RIN2: variants seen among roughly 807,000 people sequenced by gnomAD.
RIN2 encodes the protein Ras and Rab interactor 2.
Under a neutral mutation model 78.0 loss-of-function variants are expected in RIN2, and 36 were observed. The ratio of observed to expected loss-of-function variants is 0.46; its 90% CI spans 0.35 to 0.61. RIN2 has a LOEUF of 0.61. RIN2 is among the 20% of genes least tolerant of loss of function. The pLI, the probability that RIN2 is intolerant of heterozygous loss-of-function variation, is 0.00. For missense variants in RIN2, 1,087 were observed against 1,159.7 expected, an observed-to-expected ratio of 0.94 and a Z score of 0.91; for synonymous variants, 466 against 466.8, an observed-to-expected ratio of 1.00 and a Z score of 0.02.
intron 1 of RIN2, among the ~76,000 whole-genome samples, chr20:19,784,125 G>A (rs570621912): frequency 1.3e-5 from 2 of 152,340 alleles, no homozygotes; most frequent in Non-Finnish European, 2.9e-5. Context: ...AAGGCAACTG[G>A]AAAATCACAT....
intron 9 of RIN2, among the ~76,000 whole-genome samples, chr20:19,976,385 A>G (rs992140582): frequency 1.3e-5 from 2 of 152,172 alleles, no homozygotes; most frequent in African/African-American, 4.8e-5. Flanking sequence ...CTCATCCCAT[A>G]CACTTCTGTA....
intron 2 of RIN2, among the ~76,000 whole-genome samples, chr20:19,861,248 C>T (rs1384111204): frequency 6.6e-6 from 1 of 152,178 alleles, no homozygotes; most frequent in African/African-American, 2.4e-5. Flanking sequence ...GTCCCACCTC[C>T]TTATAGGTTT....
At chr20:19,985,375 G>A (rs1468085511) in intron 9 of RIN2, among the ~76,000 whole-genome samples, 2 of 152,212 alleles carry the variant, frequency 1.3e-5, no homozygotes, top group Non-Finnish European at 2.9e-5. Context: ...GTGACATTTA[G>A]TCAAGGAAAA....
chr20:19,804,983 C>T (rs189625647), intron 2 of RIN2, among the ~76,000 whole-genome samples: 2 of 152,086 alleles, frequency 1.3e-5, no homozygotes, highest in Non-Finnish European at 2.9e-5. Context: ...TCTTTGTGTC[C>T]AGTAATTTAT....
At chr20:19,759,423 A>C (rs1297029587) in intron 1 of RIN2, among the ~76,000 whole-genome samples, 1 of 152,216 alleles carries the variant, frequency 6.6e-6, no homozygotes, top group Non-Finnish European at 1.5e-5. Flanking sequence ...CAAAGGGCTT[A>C]CTGGGAAAAA....
rs6081798 is a variant in RIN2 at position 19,886,977 on chromosome 20, G to A, written c.-36-2589G>A. Among the ~76,000 whole-genome samples, 3,057 of 152,034 alleles carry A rather than the reference G, an allele frequency of 0.02. 53 individuals carry two copies. The highest frequency in any genetic ancestry group is 0.031 in the Middle Eastern group (9 of 294). ...GGGAAGAAAACTATAGCTAACTATA[G>A]CTACTACAGAAAGATCTTAAACCAG... On this transcript the variant is annotated intron_variant, in intron 2 of 12. Transcript: ENST00000255006.
At chr20:19,855,970 A>T (rs1014272373) in intron 2 of RIN2, among the ~76,000 whole-genome samples, 3 of 152,150 alleles carry the variant, frequency 2.0e-5, no homozygotes, top group Non-Finnish European at 4.4e-5. Flanking sequence ...GCTACTCGGG[A>T]GGCTGAGGCA....
rs973069372 is a variant in RIN2 at position 19,975,255 on chromosome 20, G to A, written c.1230G>A (p.Arg410=). 2 of 1,582,712 alleles carry A rather than the reference G, an allele frequency of 1.3e-6. No homozygotes were observed. The highest frequency in any genetic ancestry group is 2.7e-5 in the African/African-American group (2 of 74,376). Residue 410 remains arginine (R), a synonymous_variant, in exon 9 of 13, where the codon AGG becomes AGA. Coordinates refer to ENST00000255006, the MANE Select transcript of RIN2 (RefSeq NM_018993.4). The surrounding 1 kb of genome is among the most constrained non-coding windows in gnomAD (Gnocchi z 4.9). ...AGGCCGCCCCGGGGGATTGCACAAGGGCCCCGCCGCCCAGCTCTGAATCAC... is the reference window on the plus strand; with the variant it reads ...AGGCCGCCCCGGGGGATTGCACAAGAGCCCCGCCGCCCAGCTCTGAATCAC... The part of the protein sequence containing the change: ...PPEAAPGDCT[R]APPPSSESRP...
chr20:19,993,698 C>T (rs2042869569), intron 11 of RIN2, among the ~76,000 whole-genome samples: 1 of 152,148 alleles, frequency 6.6e-6, no homozygotes. Context: ...TGGAGCTTTT[C>T]TTGCCTGCTC....
chr20:19,772,492 G>T (rs1020335951), intron 1 of RIN2, among the ~76,000 whole-genome samples: 5 of 152,166 alleles, frequency 3.3e-5, no homozygotes, highest in Non-Finnish European at 5.9e-5. Context: ...CCTTCTGAAT[G>T]CAGGGCCCTG....
rs139141186 is a variant in RIN2 at position 19,760,859 on chromosome 20, C to T, written c.-163+2532C>T. ...TCCTCCTTTCCCCAGTAAGACACCC[C>T]CTCACTGCCACCAGAATTCCTTGTG... On this transcript the variant is annotated intron_variant, in intron 1 of 12. Transcript: ENST00000255006. Among the ~76,000 whole-genome samples, 395 of 152,282 alleles carry T rather than the reference C, an allele frequency of 2.6e-3. 1 individual carries two copies. The highest frequency in any genetic ancestry group is 9.0e-3 in the African/African-American group (372 of 41,556).
At chr20:19,874,963 C>G (rs977818903) in intron 2 of RIN2, among the ~76,000 whole-genome samples, 1 of 151,982 alleles carries the variant, frequency 6.6e-6, no homozygotes, top group Non-Finnish European at 1.5e-5. Flanking sequence ...TGGGTTCAAG[C>G]GATTCTCATG....
At chr20:19,946,412 T>G (rs1038223615) in intron 4 of RIN2, among the ~76,000 whole-genome samples, 3 of 152,146 alleles carry the variant, frequency 2.0e-5, no homozygotes, top group Non-Finnish European at 4.4e-5. Flanking sequence ...CATGTAGATG[T>G]ATCTACAGGA....
At chr20:19,988,459 T>C (rs1435132808) in intron 9 of RIN2, among the ~76,000 whole-genome samples, 1 of 152,216 alleles carries the variant, frequency 6.6e-6, no homozygotes, top group African/African-American at 2.4e-5. Flanking sequence ...AGTGGACCCA[T>C]TGGCTTCCCA....
chr20:19,793,399 G>T (rs1396278519), intron 1 of RIN2, among the ~76,000 whole-genome samples: 1 of 152,150 alleles, frequency 6.6e-6, no homozygotes, highest in Non-Finnish European at 1.5e-5. Context: ...CAGCCACAGA[G>T]GGGCTTTCCT....
At chr20:19,824,812 C>T (rs1415007307) in intron 2 of RIN2, among the ~76,000 whole-genome samples, 5 of 152,138 alleles carry the variant, frequency 3.3e-5, no homozygotes, top group Non-Finnish European at 7.4e-5. Flanking sequence ...TAGGTCCCGC[C>T]GATGATCATT....
intron 4 of RIN2, among the ~76,000 whole-genome samples, chr20:19,953,699 G>A (rs2146220661): frequency 6.6e-6 from 1 of 152,240 alleles, no homozygotes; most frequent in South Asian, 2.1e-4. Flanking sequence ...CAAAGTGCTG[G>A]GATTACAGGC....
intron 2 of RIN2, among the ~76,000 whole-genome samples, chr20:19,861,312 T>C (rs2037325510): frequency 6.6e-6 from 1 of 152,226 alleles, no homozygotes; most frequent in Non-Finnish European, 1.5e-5. Context: ...TGCACTCTAC[T>C]GTCATTGTCA....
chr20:19,960,521 C>A (rs546816706), intron 5 of RIN2, among the ~76,000 whole-genome samples, 179 bp from the exon 6 acceptor site: 4 of 152,302 alleles, frequency 2.6e-5, no homozygotes, highest in South Asian at 4.2e-4. Flanking sequence ...CAGTAATGAA[C>A]AAAGGTGTCT....
Sources: gnomAD v4.1 joint callset for allele counts (sites outside exome capture counted in the v4.1 genomes callset) on GRCh38, gnomAD v4.1.1 for gene constraint, Gnocchi (gnomAD v3.1) non-coding constraint, MANE v1.5 for transcripts, NCBI Gene and HGNC (gene_info 2026-07-23, HGNC 2026-07-21) for gene names.